The following IRX5 variants were observed in gnomAD, a reference collection of about 807,000 sequenced individuals.
The protein encoded by IRX5 is iroquois-class homeodomain protein IRX-5.
In IRX5, 8 loss-of-function variants were observed where a neutral mutation model predicts 37.6. That is an observed-to-expected ratio of 0.21 (90% CI 0.12 to 0.38). The LOEUF is 0.38. Ranked by LOEUF, IRX5 falls within the 10% of genes least tolerant of loss-of-function variation. IRX5 has a pLI of 1.00. For missense variants in IRX5, 635 were observed against 695.2 expected (o/e 0.91, Z 0.97); for synonymous variants, 359 against 328.6 (o/e 1.09, Z -1.00).
Position 54,932,397 on chromosome 16 carries a change from C to A in IRX5, c.250-101C>A. ...AGGAAGCTGGAGTGCGGGCCTCGTC[C>A]ACCCACAGACCCCGGGGAGCGCAGG... On this transcript the variant is annotated intron_variant, in intron 1 of 2. Transcript: ENST00000394636. This position sits in a 1 kb window ranked among gnomAD's most constrained non-coding sequence, Gnocchi z 6.7. 7.2e-7 allele frequency: 1 copy of A among 1,379,564 alleles called. No individual in the cohort carries two copies. Among genetic ancestry groups the A allele is most frequent in the Non-Finnish European group, 9.8e-7 (1 of 1,024,194 alleles). 85.5% of individuals were successfully genotyped at this position (1,379,564 alleles called of 1,614,324 possible).
Position 54,932,909 on chromosome 16 carries a change from T to G in IRX5, c.655+6T>G. ...CCCCGAGGGCCCCGAAGCAGGTTGGTGGACATGGGAAAGGGCGTGTTGGGC... is the reference window on the plus strand; with the variant it reads ...CCCCGAGGGCCCCGAAGCAGGTTGGGGGACATGGGAAAGGGCGTGTTGGGC... On this transcript the variant is annotated splice_donor_region_variant and intron_variant, in intron 2 of 2. Coordinates refer to ENST00000394636, the MANE Select transcript of IRX5 (RefSeq NM_005853.6). This position sits in a 1 kb window ranked among gnomAD's most constrained non-coding sequence, Gnocchi z 6.7. 1 of 1,604,042 alleles carries G rather than the reference T, an allele frequency of 6.2e-7. No homozygotes were observed. The highest frequency in any genetic ancestry group is 8.5e-7 in the Non-Finnish European group (1 of 1,175,638).
Sources: gnomAD v4.1 joint callset for allele counts on GRCh38, gnomAD v4.1.1 for gene constraint, Gnocchi (gnomAD v3.1) non-coding constraint, MANE v1.5 for transcripts, NCBI Gene and HGNC (gene_info 2026-07-23, HGNC 2026-07-21) for gene names.